FBXL20: variants seen among roughly 807,000 people sequenced by gnomAD.
The protein encoded by FBXL20 is F-box and leucine rich repeat protein 20, also known as F-box/LRR-repeat protein 20.
FBXL20 carries 11 observed loss-of-function variants against 64.0 expected under a neutral mutation model. The ratio of observed to expected loss-of-function variants is 0.17; its 90% CI spans 0.11 to 0.28. The LOEUF (loss-of-function observed/expected upper bound fraction) is 0.28. Ranked by LOEUF, FBXL20 falls within the 10% of genes least tolerant of loss-of-function variation. The pLI, the probability that FBXL20 is intolerant of heterozygous loss-of-function variation, is 1.00. For missense variants in FBXL20, 303 were observed against 526.2 expected (o/e 0.58, Z 4.15); for synonymous variants, 184 against 189.0 (o/e 0.97, Z 0.22).
chr17:39,287,127 G>A (rs1183724363), intron 6 of FBXL20, among the ~76,000 whole-genome samples: 1 of 151,780 alleles, frequency 6.6e-6, no homozygotes, highest in Non-Finnish European at 1.5e-5. Context: ...TGGCCAGGCT[G>A]GTCTTGAACT....
intron 9 of FBXL20, among the ~76,000 whole-genome samples, chr17:39,275,430 G>A (rs1276633656): frequency 1.3e-5 from 2 of 150,560 alleles, no homozygotes; most frequent in African/African-American, 5.0e-5. Context: ...TATTTATTTG[G>A]AGATAGAGTC....
chr17:39,373,973 G>A (rs1002367962), intron 1 of FBXL20, among the ~76,000 whole-genome samples: 22 of 152,104 alleles, frequency 1.4e-4, no homozygotes, highest in African/African-American at 5.3e-4. Context: ...TGTATTCCCA[G>A]CACTTTGGGA....
At chr17:39,342,194 A>G (rs889898588) in intron 2 of FBXL20, among the ~76,000 whole-genome samples, 1 of 152,156 alleles carries the variant, frequency 6.6e-6, no homozygotes, top group Non-Finnish European at 1.5e-5. Flanking sequence ...AGTAATAAAA[A>G]ATAAAAATGT....
At chr17:39,340,343 C>T (rs2047570481) in intron 2 of FBXL20, among the ~76,000 whole-genome samples, 1 of 151,968 alleles carries the variant, frequency 6.6e-6, no homozygotes, top group African/African-American at 2.4e-5. Context: ...GATCCGCCCA[C>T]CTCGGCCTCC....
At chr17:39,327,916 T>C (rs1030427513) in intron 2 of FBXL20, among the ~76,000 whole-genome samples, 1 of 152,002 alleles carries the variant, frequency 6.6e-6, no homozygotes, top group African/African-American at 2.4e-5. Context: ...CTAGAAGCAA[T>C]GCCACTCAGG....
chr17:39,351,706 T>C (rs1049390199), intron 1 of FBXL20, among the ~76,000 whole-genome samples: 1 of 152,170 alleles, frequency 6.6e-6, no homozygotes, highest in Non-Finnish European at 1.5e-5. Flanking sequence ...TATATTTCTG[T>C]CATCTATAAA....
At chr17:39,367,020 C>CTA (rs2047867006) in intron 1 of FBXL20, among the ~76,000 whole-genome samples, 1 of 150,566 alleles carries the variant, frequency 6.6e-6, no homozygotes, top group Non-Finnish European at 1.5e-5. Flanking sequence ...GTAGCTGGGA[C>CTA]TACAGGCACC....
chr17:39,363,683 T>A (rs1461839043), intron 1 of FBXL20, among the ~76,000 whole-genome samples: 1 of 151,414 alleles, frequency 6.6e-6, no homozygotes, highest in Non-Finnish European at 1.5e-5. Context: ...TGGTGACACA[T>A]GTCAATAGTC....
chr17:39,334,646 C>A (rs1343354501), intron 2 of FBXL20, among the ~76,000 whole-genome samples: 2 of 152,178 alleles, frequency 1.3e-5, no homozygotes, highest in South Asian at 2.1e-4. Context: ...TTCTTTTTTA[C>A]CTGAATCCTT....
chr17:39,397,152 C>A (rs1004606702), intron 1 of FBXL20, among the ~76,000 whole-genome samples: 6 of 152,104 alleles, frequency 3.9e-5, no homozygotes, highest in Admixed American at 1.3e-4. Context: ...ATGATCCACC[C>A]GCTTTGGCCT....
intron 2 of FBXL20, among the ~76,000 whole-genome samples, chr17:39,339,448 C>T (rs1027705952): frequency 1.3e-5 from 2 of 152,066 alleles, no homozygotes; most frequent in African/African-American, 4.8e-5. Context: ...GCTTGAGTGA[C>T]AGCAGGAGAC....
intron 2 of FBXL20, among the ~76,000 whole-genome samples, chr17:39,312,003 G>C (rs1341793465): frequency 6.6e-6 from 1 of 152,190 alleles, no homozygotes; most frequent in Non-Finnish European, 1.5e-5. Flanking sequence ...AGAATGTCCT[G>C]AAGGGGTTCT....
intron 1 of FBXL20, among the ~76,000 whole-genome samples, chr17:39,382,476 C>G (rs1344459593): frequency 1.3e-5 from 2 of 150,108 alleles, no homozygotes; most frequent in Non-Finnish European, 3.0e-5. Context: ...ATGAAAGGAA[C>G]AGGCCTTAGT....
intron 9 of FBXL20, among the ~76,000 whole-genome samples, chr17:39,277,220 A>G (rs79914730): frequency 6.6e-6 from 1 of 152,254 alleles, no homozygotes; most frequent in Non-Finnish European, 1.5e-5. Context: ...AAGTAATGAG[A>G]TACTAACACA....
At chr17:39,292,573 T>C (rs552100255) in intron 6 of FBXL20, among the ~76,000 whole-genome samples, 4 of 152,200 alleles carry the variant, frequency 2.6e-5, no homozygotes, top group Non-Finnish European at 4.4e-5. Context: ...ACTGCTATTT[T>C]TAAACTCCTT....
At chr17:39,273,127 CTT>C (rs1254686942) in intron 10 of FBXL20, among the ~76,000 whole-genome samples, 3 of 152,124 alleles carry the variant, frequency 2.0e-5, no homozygotes, top group Non-Finnish European at 4.4e-5. Context: ...AGACAGTTCT[CTT>C]GTCTCAGCCT....
chr17:39,292,465 T>C (rs963745523), intron 6 of FBXL20, among the ~76,000 whole-genome samples: 2 of 139,872 alleles, frequency 1.4e-5, no homozygotes, highest in Non-Finnish European at 3.1e-5. Flanking sequence ...ATGATCACAG[T>C]GCACTGCAGT....
intron 2 of FBXL20, among the ~76,000 whole-genome samples, chr17:39,308,565 A>G (rs1044473509): frequency 7.6e-6 from 1 of 132,408 alleles, no homozygotes; most frequent in African/African-American, 3.6e-5. Flanking sequence ...TTTTAATACA[A>G]TAATTTTTTT....
chr17:39,301,525 C>T (rs2047135225), intron 3 of FBXL20, among the ~76,000 whole-genome samples: 1 of 151,238 alleles, frequency 6.6e-6, no homozygotes, highest in Non-Finnish European at 1.5e-5. Flanking sequence ...GTCAAGAGTT[C>T]GAGACCAGCC....
Sources: gnomAD v4.1 joint callset for allele counts (sites outside exome capture counted in the v4.1 genomes callset) on GRCh38, gnomAD v4.1.1 for gene constraint, MANE v1.5 for transcripts, NCBI Gene and HGNC (gene_info 2026-07-23, HGNC 2026-07-21) for gene names.